Variants in XNDC1N observed in about 807,000 individuals in gnomAD.
XNDC1N encodes XRCC1 N-terminal domain containing 1, N-terminal like, also known as protein XNDC1N.
At chr11:71,902,155 G>T in the XNDC1N span, among the ~76,000 whole-genome samples, 1 of 152,056 alleles carries the variant, frequency 6.6e-6, no homozygotes, top group African/African-American at 2.4e-5. Context: ...CACCAAAATT[G>T]GCTGTCATCA....
chr11:71,893,398 C>G, the XNDC1N span: 2 of 694,008 alleles, frequency 2.9e-6, no homozygotes. Context: ...TTGCATCCAG[C>G]ATTAAGGGCT....
At chr11:71,909,675 G>C in the XNDC1N span, among the ~76,000 whole-genome samples, 7 of 152,330 alleles carry the variant, frequency 4.6e-5, no homozygotes, top group East Asian at 5.8e-4. Context: ...TATCCAAAAA[G>C]AATATTGACG....
chr11:71,903,683 T>G, the XNDC1N span: 1 of 424,272 alleles, frequency 2.4e-6, no homozygotes, highest in Non-Finnish European at 4.4e-6. Flanking sequence ...TTTTAGACTC[T>G]CAGCTGCACA....
At chr11:71,874,891 C>A in the XNDC1N span, among the ~76,000 whole-genome samples, 1 of 152,030 alleles carries the variant, frequency 6.6e-6, no homozygotes, top group Non-Finnish European at 1.5e-5. Flanking sequence ...CCATTTTTTA[C>A]CTATACTGGA....
At chr11:71,866,828 C>A in the XNDC1N span, among the ~76,000 whole-genome samples, 162 of 150,974 alleles carry the variant, frequency 1.1e-3, 2 homozygotes, top group Non-Finnish European at 4.1e-4. Flanking sequence ...CAGACCTTTG[C>A]CAGTTGTACA....
At chr11:71,884,306 A>T in the XNDC1N span, 2 of 1,306,626 alleles carry the variant, frequency 1.5e-6, no homozygotes, top group Non-Finnish European at 2.0e-6. Flanking sequence ...TTTTTCTGGG[A>T]AAGTTCTGTA....
the XNDC1N span, among the ~76,000 whole-genome samples, chr11:71,890,399 T>C: frequency 6.6e-6 from 1 of 152,172 alleles, no homozygotes; most frequent in African/African-American, 2.4e-5. Context: ...TTCTGAGATA[T>C]TGGGAGTGAT....
the XNDC1N span, among the ~76,000 whole-genome samples, chr11:71,900,382 A>C: frequency 1.3e-5 from 2 of 151,842 alleles, no homozygotes; most frequent in Non-Finnish European, 2.9e-5. Flanking sequence ...CCACCCCTTC[A>C]AGTGAGTGCT....
the XNDC1N span, among the ~76,000 whole-genome samples, chr11:71,867,642 T>C: frequency 1.3e-5 from 2 of 152,236 alleles, no homozygotes; most frequent in African/African-American, 4.8e-5. Context: ...TATTGGGATG[T>C]GGTCAGAGAG....
At chr11:71,910,544 G>T in the XNDC1N span, among the ~76,000 whole-genome samples, 2 of 152,100 alleles carry the variant, frequency 1.3e-5, no homozygotes, top group African/African-American at 2.4e-5. Flanking sequence ...AGTAGGTTGA[G>T]GACCTTCTGC....
the XNDC1N span, among the ~76,000 whole-genome samples, chr11:71,890,816 A>C: frequency 6.6e-6 from 1 of 152,074 alleles, no homozygotes; most frequent in African/African-American, 2.4e-5. Flanking sequence ...TATTAGGAAC[A>C]ATATCAGGAA....
chr11:71,905,019 G>A, the XNDC1N span, among the ~76,000 whole-genome samples: 2 of 151,942 alleles, frequency 1.3e-5, no homozygotes, highest in African/African-American at 2.4e-5. Context: ...CATACATTGT[G>A]ACCTTAGTGG....
chr11:71,928,588 T>G, the XNDC1N span: 1 of 702,376 alleles, frequency 1.4e-6, no homozygotes, highest in Non-Finnish European at 2.6e-6. Context: ...AAAATACATT[T>G]CCGTGTGTTT....
At chr11:71,898,094 G>T in the XNDC1N span, among the ~76,000 whole-genome samples, 1 of 152,144 alleles carries the variant, frequency 6.6e-6, no homozygotes, top group East Asian at 1.9e-4. Flanking sequence ...TGAGGCACAA[G>T]AATCGCTGGA....
chr11:71,898,297 A>G, the XNDC1N span, among the ~76,000 whole-genome samples: 1 of 152,166 alleles, frequency 6.6e-6, no homozygotes, highest in Non-Finnish European at 1.5e-5. Context: ...TCGTCAGTGA[A>G]ATAAATAAAT....
At chr11:71,884,442 G>C in the XNDC1N span, 1 of 1,605,600 alleles carries the variant, frequency 6.2e-7, no homozygotes, top group Non-Finnish European at 8.5e-7. Context: ...ATGTCCTTCA[G>C]AATATTATCA....
chr11:71,879,951 T>C, the XNDC1N span, among the ~76,000 whole-genome samples: 1 of 152,208 alleles, frequency 6.6e-6, no homozygotes, highest in Admixed American at 6.5e-5. Context: ...CATCAGTATA[T>C]CCCACTTTAA....
At chr11:71,900,577 G>A in the XNDC1N span, among the ~76,000 whole-genome samples, 1 of 152,158 alleles carries the variant, frequency 6.6e-6, no homozygotes, top group Non-Finnish European at 1.5e-5. Flanking sequence ...CCCACTGGTT[G>A]TCCTTTTCAT....
the XNDC1N span, among the ~76,000 whole-genome samples, chr11:71,914,688 G>A: frequency 1.3e-4 from 20 of 148,644 alleles, no homozygotes; most frequent in South Asian, 1.3e-3. Context: ...ACTTTGTCTC[G>A]GGAAAAAAAA....
Sources: allele counts gnomAD v4.1 joint callset (sites outside exome capture counted in the v4.1 genomes callset), GRCh38; gene constraint gnomAD v4.1.1; transcripts MANE v1.5; gene names NCBI Gene and HGNC (gene_info 2026-07-23, HGNC 2026-07-21).